Variants in MALRD1 observed in about 807,000 individuals in gnomAD.
MALRD1 encodes the protein MAM and LDL-receptor class A domain-containing protein 1.
A neutral mutation model predicts 242.1 loss-of-function variants in MALRD1; 247 were observed. The observed-to-expected ratio is 1.02, with a 90% CI of 0.92 to 1.13. The LOEUF is 1.13. MALRD1 is among the 50% of genes most tolerant of loss of function. The pLI, the probability that MALRD1 is intolerant of heterozygous loss-of-function variation, is 0.00. For missense variants in MALRD1, 2,989 were observed against 2,533.1 expected (o/e 1.18, Z -3.86); for synonymous variants, 995 against 866.6 (o/e 1.15, Z -2.60).
chr10:19,684,155 G>A (rs1246527629), intron 36 of MALRD1, among the ~76,000 whole-genome samples: 1 of 152,100 alleles, frequency 6.6e-6, no homozygotes, highest in Non-Finnish European at 1.5e-5. Flanking sequence ...CTTTAGTGAA[G>A]CAAAACCGTA....
rs551779761 is a variant in MALRD1, at chr10:19,265,454, A to G, written c.3079+7683A>G. On this transcript the variant is annotated intron_variant, in intron 19 of 39. Transcript: ENST00000454679. ...CATTTTCATTTATCTCAGATTTTTT[A>G]TTTCATTTTGATTTGTTCTTTGACC... 2.6e-5 allele frequency among the ~76,000 whole-genome samples: 4 copies of G among 151,098 alleles called. No individual in the cohort carries two copies. In the East Asian group the frequency reaches 7.8e-4, roughly 30 times the overall value.
At chr10:19,139,384 T>C (rs528865638) in intron 10 of MALRD1, among the ~76,000 whole-genome samples, 1 of 152,368 alleles carries the variant, frequency 6.6e-6, no homozygotes, top group East Asian at 1.9e-4. Context: ...CAAGTTTTTT[T>C]CATAAACGAT....
chr10:19,704,537 A>T (rs1833775127), intron 38 of MALRD1, among the ~76,000 whole-genome samples: 1 of 152,184 alleles, frequency 6.6e-6, no homozygotes, highest in African/African-American at 2.4e-5. Flanking sequence ...GGGCTTCAAG[A>T]TATACATTTG....
chr10:19,230,565 C>A (rs905102342), intron 18 of MALRD1, among the ~76,000 whole-genome samples: 2 of 152,132 alleles, frequency 1.3e-5, no homozygotes, highest in African/African-American at 4.8e-5. Context: ...CAGCACCAAG[C>A]CATTCAGGAG....
intron 36 of MALRD1, among the ~76,000 whole-genome samples, chr10:19,683,941 C>A (rs573095702): frequency 6.6e-6 from 1 of 152,120 alleles, no homozygotes; most frequent in Admixed American, 6.5e-5. Flanking sequence ...CCCTCACCCC[C>A]CAGCAGGCCC....
intron 26 of MALRD1, among the ~76,000 whole-genome samples, chr10:19,387,133 A>C (rs1344849511): frequency 1.3e-5 from 2 of 152,146 alleles, no homozygotes; most frequent in African/African-American, 2.4e-5. Flanking sequence ...TCCAAATGCC[A>C]CATAATACAT....
intron 28 of MALRD1, among the ~76,000 whole-genome samples, chr10:19,433,175 A>G (rs1412781): frequency 0.63 from 95,179 of 152,036 alleles, 29,988 homozygotes; most frequent in Middle Eastern, 0.7. Context: ...GTATATAAGT[A>G]TAGTAAGTGC....
At chr10:19,573,999 A>C (rs753311591) in intron 33 of MALRD1, among the ~76,000 whole-genome samples, 3 of 152,226 alleles carry the variant, frequency 2.0e-5, no homozygotes, top group Non-Finnish European at 4.4e-5. Context: ...ATGTCATCAT[A>C]GGGCATCCTT....
chr10:19,307,508 C>A (rs1842264571), intron 21 of MALRD1, among the ~76,000 whole-genome samples: 5 of 151,502 alleles, frequency 3.3e-5, no homozygotes, highest in Admixed American at 3.3e-4. Flanking sequence ...AATACAGTTT[C>A]AGTGATATAT....
intron 21 of MALRD1, among the ~76,000 whole-genome samples, chr10:19,300,011 T>G (rs1287702490): frequency 6.6e-6 from 1 of 151,920 alleles, no homozygotes; most frequent in Non-Finnish European, 1.5e-5. Context: ...AAGAAACAAT[T>G]TTAGCAAAAT....
chr10:19,723,281 TA>T (rs1341352059), intron 38 of MALRD1, among the ~76,000 whole-genome samples: 2 of 152,228 alleles, frequency 1.3e-5, no homozygotes, highest in African/African-American at 2.4e-5. Flanking sequence ...AGCTGCATTG[TA>T]ATTATCCTAA....
chr10:19,473,136 T>TTAAG (rs1836576234), intron 29 of MALRD1, among the ~76,000 whole-genome samples: 1 of 65,502 alleles, frequency 1.5e-5, no homozygotes, highest in African/African-American at 5.8e-5. Context: ...CAACTTAAAT[T>TTAAG]TTGAGGATAA....
At position 19,352,262 on chromosome 10, in the gene MALRD1, C is replaced by T. The variant is rs1844418771; in HGVS notation, c.4406C>T (p.Ser1469Phe). ...LTENCLSLHD[S>F]VQEELAVPLP... The stretch of plus-strand genomic sequence containing the variant: ...GAAAATTGTCTATCACTCCATGATT[C>T]CGTGCAAGAAGAACTGGCAGTGCCT... The change falls in exon 26 of 40, where the codon TCC (serine) becomes TTC (phenylalanine). Residue 1469 changes from serine (S) to phenylalanine (F), a missense_variant. Transcript: ENST00000454679. 6.5e-7 allele frequency: 1 copy of T among 1,550,038 alleles called. No homozygotes were observed. Among genetic ancestry groups the T allele is most frequent in the African/African-American group, 1.4e-5 (1 of 72,932 alleles).
intron 2 of MALRD1, among the ~76,000 whole-genome samples, chr10:19,067,747 T>A (rs1248173574): frequency 1.3e-5 from 2 of 152,104 alleles, no homozygotes; most frequent in African/African-American, 4.8e-5. Flanking sequence ...GCTAAATTTT[T>A]AGGATGGTTA....
intron 4 of MALRD1, among the ~76,000 whole-genome samples, chr10:19,097,963 C>G (rs770326072): frequency 6.6e-6 from 1 of 152,112 alleles, no homozygotes. Context: ...CCTCCTCTTA[C>G]TTTCGGGAAC....
At chr10:19,414,524 T>C (rs1833425165) in intron 28 of MALRD1, among the ~76,000 whole-genome samples, 1 of 152,214 alleles carries the variant, frequency 6.6e-6, no homozygotes, top group Non-Finnish European at 1.5e-5. Flanking sequence ...TAGATTGCCA[T>C]GTAATTTTAG....
At chr10:19,577,053 T>C (rs1377074690) in intron 33 of MALRD1, among the ~76,000 whole-genome samples, 1 of 145,126 alleles carries the variant, frequency 6.9e-6, no homozygotes, top group Non-Finnish European at 1.5e-5. Context: ...TTCAAGTCAA[T>C]ATATAACATA....
chr10:19,545,953 C>T (rs549846898), intron 32 of MALRD1, among the ~76,000 whole-genome samples: 11 of 152,268 alleles, frequency 7.2e-5, no homozygotes, highest in African/African-American at 2.6e-4. Context: ...TTTCCAAGAA[C>T]TGTGAATGCT....
chr10:19,683,132 C>T (rs1470005457), intron 36 of MALRD1, among the ~76,000 whole-genome samples: 2 of 106,088 alleles, frequency 1.9e-5, no homozygotes, highest in Admixed American at 9.4e-5. Flanking sequence ...CCATCTCTAC[C>T]GGAAAAAAAA....
Sources: gnomAD v4.1 joint callset for allele counts (sites outside exome capture counted in the v4.1 genomes callset) on GRCh38, gnomAD v4.1.1 for gene constraint, MANE v1.5 for transcripts, NCBI Gene and HGNC (gene_info 2026-07-23, HGNC 2026-07-21) for gene names.